The following B3GALT1 variants were observed in gnomAD, a reference collection of about 807,000 sequenced individuals.
The protein encoded by B3GALT1 is beta-1,3-galactosyltransferase 1, also known as UDP-Gal:betaGlcNAc beta 1,3-galactosyltransferase, polypeptide 1.
Under a neutral mutation model 23.2 loss-of-function variants are expected in B3GALT1, and 10 were observed. The ratio of observed to expected loss-of-function variants is 0.43; its 90% CI spans 0.27 to 0.73. B3GALT1 has a LOEUF of 0.73. Among genes scored for constraint, B3GALT1 ranks in the 30% least tolerant of loss-of-function variants. B3GALT1 has a pLI of 0.21. For synonymous variants in B3GALT1, 156 were observed against 141.5 expected (o/e 1.10, Z -0.73); for missense variants, 299 against 405.4 (o/e 0.74, Z 2.25).
intron 4 of B3GALT1, among the ~76,000 whole-genome samples, chr2:167,833,497 A>G (rs72880402): frequency 0.029 from 4,402 of 152,318 alleles, 97 homozygotes; most frequent in South Asian, 0.07. Flanking sequence ...TTTCAGTGAT[A>G]ATGAATCAGA....
intron 3 of B3GALT1, among the ~76,000 whole-genome samples, chr2:167,762,271 C>T (rs868679320): frequency 3.3e-5 from 5 of 152,070 alleles, no homozygotes; most frequent in African/African-American, 1.2e-4. Context: ...TAAAACAATA[C>T]CAATACATAC....
intron 4 of B3GALT1, among the ~76,000 whole-genome samples, chr2:167,850,369 G>A (rs1180806999): frequency 6.6e-6 from 1 of 152,108 alleles, no homozygotes; most frequent in Non-Finnish European, 1.5e-5. Context: ...TGCAAAAATG[G>A]CCATAATCAA....
At chr2:167,702,229 A>G (rs1423404184) in intron 3 of B3GALT1, among the ~76,000 whole-genome samples, 1 of 152,112 alleles carries the variant, frequency 6.6e-6, no homozygotes, top group African/African-American at 2.4e-5. Flanking sequence ...CTCAGCAGCA[A>G]CTCTGTGGAA....
intron 2 of B3GALT1, among the ~76,000 whole-genome samples, chr2:167,516,193 G>A (rs1198099561): frequency 6.6e-6 from 1 of 151,734 alleles, no homozygotes; most frequent in Non-Finnish European, 1.5e-5. Flanking sequence ...TTTTTTTTCT[G>A]CTAAGAGATA....
intron 1 of B3GALT1, among the ~76,000 whole-genome samples, chr2:167,343,575 C>CT (rs918687893): frequency 2.6e-5 from 4 of 152,082 alleles, no homozygotes; most frequent in Admixed American, 6.6e-5. Context: ...AGAAAAACCT[C>CT]TTTTTTTCCT....
intron 1 of B3GALT1, among the ~76,000 whole-genome samples, chr2:167,402,301 C>G (rs1401283748): frequency 3.3e-5 from 5 of 151,898 alleles, no homozygotes; most frequent in Non-Finnish European, 5.9e-5. Flanking sequence ...AGTAATATTT[C>G]TAATAAAAAA....
intron 3 of B3GALT1, among the ~76,000 whole-genome samples, chr2:167,677,726 T>A (rs1213865494): frequency 6.6e-6 from 1 of 152,184 alleles, no homozygotes; most frequent in Non-Finnish European, 1.5e-5. Flanking sequence ...TCCATTCTCA[T>A]GCTGCTATAA....
intron 3 of B3GALT1, among the ~76,000 whole-genome samples, chr2:167,705,234 T>C (rs923672353): frequency 5.9e-5 from 9 of 152,174 alleles, no homozygotes; most frequent in Non-Finnish European, 1.0e-4. Flanking sequence ...CACTGACTTG[T>C]GGGGTGATTT....
Position 167,713,282 on chromosome 2 carries a change from G to A in B3GALT1, c.-352+66316G>A, listed in dbSNP as rs555028153. Among the ~76,000 whole-genome samples, 55 of 152,266 alleles carry A rather than the reference G, an allele frequency of 3.6e-4. 1 individual carries two copies. The highest frequency in any genetic ancestry group is 3.4e-3 in the Middle Eastern group (1 of 294). The stretch of plus-strand genomic sequence containing the variant: ...GAATAAAATATAAATAAGGCATTAC[G>A]AAGGTTTTCTTGGAAGGAAGATCTG... On this transcript the variant is annotated intron_variant, in intron 3 of 4. Coordinates refer to ENST00000392690, the MANE Select transcript of B3GALT1 (RefSeq NM_020981.4).
intron 3 of B3GALT1, among the ~76,000 whole-genome samples, chr2:167,663,766 G>C (rs1686116951): frequency 6.6e-6 from 1 of 152,058 alleles, no homozygotes; most frequent in Non-Finnish European, 1.5e-5. Context: ...CTTCTTTTGA[G>C]AAGTCTCTGT....
chr2:167,828,616 T>G (rs952576665), intron 4 of B3GALT1, among the ~76,000 whole-genome samples: 1 of 152,218 alleles, frequency 6.6e-6, no homozygotes, highest in Non-Finnish European at 1.5e-5. Flanking sequence ...AATTGATATC[T>G]TCACAAGGAC....
intron 1 of B3GALT1, among the ~76,000 whole-genome samples, chr2:167,304,944 T>C (rs994080250): frequency 6.6e-6 from 1 of 152,154 alleles, no homozygotes; most frequent in Non-Finnish European, 1.5e-5. Flanking sequence ...CTGTCCCACC[T>C]CAAGCTGAGA....
At chr2:167,648,927 C>A (rs940939538) in intron 3 of B3GALT1, among the ~76,000 whole-genome samples, 2 of 152,096 alleles carry the variant, frequency 1.3e-5, no homozygotes, top group Admixed American at 1.3e-4. Flanking sequence ...TCAGAATATT[C>A]TTTCTAAGTC....
intron 1 of B3GALT1, among the ~76,000 whole-genome samples, chr2:167,465,584 C>T (rs747824911): frequency 2.0e-5 from 3 of 152,126 alleles, no homozygotes; most frequent in Non-Finnish European, 4.4e-5. Flanking sequence ...ATGAGGACTC[C>T]ACCCTCATGA....
intron 1 of B3GALT1, among the ~76,000 whole-genome samples, chr2:167,341,885 G>A (rs559910366): frequency 6.6e-6 from 1 of 152,282 alleles, no homozygotes; most frequent in African/African-American, 2.4e-5. Context: ...TATTCTTTCT[G>A]AGAAGCATTC....
At chr2:167,771,733 C>A (rs1331354156) in intron 3 of B3GALT1, among the ~76,000 whole-genome samples, 1 of 152,092 alleles carries the variant, frequency 6.6e-6, no homozygotes, top group African/African-American at 2.4e-5. Context: ...TAGACATAGC[C>A]ATTTTCAATA....
At chr2:167,621,692 A>T (rs375890112) in intron 2 of B3GALT1, among the ~76,000 whole-genome samples, 3 of 152,192 alleles carry the variant, frequency 2.0e-5, no homozygotes, top group African/African-American at 7.2e-5. Flanking sequence ...TAATTGAATC[A>T]TGGGAGTGGT....
intron 2 of B3GALT1, among the ~76,000 whole-genome samples, chr2:167,548,379 T>C (rs183080745): frequency 6.6e-6 from 1 of 152,352 alleles, no homozygotes; most frequent in East Asian, 1.9e-4. Flanking sequence ...CATAAATGCC[T>C]GAAGACTCTA....
chr2:167,321,141 A>G lies in B3GALT1; in HGVS notation c.-511+27807A>G, dbSNP rs557705834. Among the ~76,000 whole-genome samples, 28 of 152,126 alleles carry G rather than the reference A, an allele frequency of 1.8e-4. 1 individual carries two copies. The highest frequency in any genetic ancestry group is 9.8e-4 in the Admixed American group (15 of 15,284). Reference sequence around the variant, plus strand: ...AATATGGGCTTTTCTGTGTTAGTTAACATCTGATAATATGACCCCCCAATC... The same window carrying G: ...AATATGGGCTTTTCTGTGTTAGTTAGCATCTGATAATATGACCCCCCAATC... On this transcript the variant is annotated intron_variant, in intron 1 of 4. Coordinates refer to ENST00000392690, the MANE Select transcript of B3GALT1 (RefSeq NM_020981.4).
Sources: gnomAD v4.1 joint callset for allele counts (sites outside exome capture counted in the v4.1 genomes callset) on GRCh38, gnomAD v4.1.1 for gene constraint, MANE v1.5 for transcripts, NCBI Gene and HGNC (gene_info 2026-07-23, HGNC 2026-07-21) for gene names.